Variants in NALF1 observed in about 807,000 individuals in gnomAD.
NALF1 encodes NALCN channel auxiliary factor 1, also known as family with sequence similarity 155 member A.
A neutral mutation model predicts 48.4 loss-of-function variants in NALF1; 3 were observed. That is an observed-to-expected ratio of 0.06 (90% CI 0.03 to 0.16). The LOEUF (loss-of-function observed/expected upper bound fraction) is 0.16, where lower values mean the gene tolerates loss of function less well. Among genes scored for constraint, NALF1 ranks in the 10% least tolerant of loss-of-function variants. NALF1 has a pLI of 1.00. For synonymous variants in NALF1, 262 were observed against 245.7 expected, an observed-to-expected ratio of 1.07 and a Z score of -0.62; for missense variants, 526 against 571.5, an observed-to-expected ratio of 0.92 and a Z score of 0.81.
In NALF1 at chr13:107,812,785, C is replaced by T. The variant is rs543559563; in HGVS notation, c.915+52897G>A. Among the ~76,000 whole-genome samples the T allele has an allele frequency of 6.6e-5, 10 of 151,868 alleles. No homozygotes were observed. The East Asian group carries it at 9.7e-4, about 15-fold the overall frequency. On this transcript the variant is annotated intron_variant, in intron 1 of 2. Transcript: ENST00000375915. ...TGAGAGGGTTTTTGTTGTTGTTTTT[C>T]ATTTTTTTTGTTTGTTGGTTGGTTC...
At chr13:107,842,089 C>G (rs1403033590) in intron 1 of NALF1, among the ~76,000 whole-genome samples, 10 of 151,824 alleles carry the variant, frequency 6.6e-5, no homozygotes. Flanking sequence ...AACATTTTAG[C>G]CAATTTAACC....
At position 107,841,638 on chromosome 13, in the gene NALF1, T is replaced by TAA. The variant is rs200743569; in HGVS notation, c.915+24042_915+24043dup. Among the ~76,000 whole-genome samples the TAA allele has an allele frequency of 2.5e-4, 36 of 143,596 alleles. No individual in the cohort carries two copies. The East Asian group carries it at 4.0e-3, about 16-fold the overall frequency. The allele number at this position is 143,596 out of a possible 152,430, so 94.2% of individuals were successfully genotyped here. On this transcript the variant is annotated intron_variant, in intron 1 of 2. Transcript: ENST00000375915. The stretch of plus-strand genomic sequence containing the variant: ...TGCAAAAGAAATGCTGGAATATCCT[T>TAA]AAAAAAAAAAAAACATAAGAAGTTT...
intron 1 of NALF1, among the ~76,000 whole-genome samples, chr13:107,358,973 G>T (rs902480150): frequency 6.6e-6 from 1 of 152,034 alleles, no homozygotes; most frequent in East Asian, 1.9e-4. Context: ...AAAAATTCTG[G>T]ACATTTTTGG....
intron 1 of NALF1, among the ~76,000 whole-genome samples, chr13:107,418,091 T>C (rs1403082361): frequency 1.3e-5 from 2 of 152,118 alleles, no homozygotes; most frequent in Non-Finnish European, 2.9e-5. Flanking sequence ...ATTAAATACA[T>C]GGGCTTAAAT....
intron 1 of NALF1, among the ~76,000 whole-genome samples, chr13:107,687,587 T>C (rs1881466648): frequency 6.6e-6 from 1 of 151,480 alleles, no homozygotes; most frequent in Admixed American, 6.6e-5. Flanking sequence ...TTAATTACAG[T>C]GATATGTCTT....
intron 1 of NALF1, among the ~76,000 whole-genome samples, chr13:107,848,416 T>C (rs578076487): frequency 1.2e-4 from 19 of 152,328 alleles, no homozygotes; most frequent in Admixed American, 4.6e-4. Context: ...AATAGTTTAC[T>C]ATGGTTCATT....
chr13:107,757,721 C>G (rs1251710399), intron 1 of NALF1, among the ~76,000 whole-genome samples: 1 of 151,998 alleles, frequency 6.6e-6, no homozygotes, highest in Admixed American at 6.6e-5. Flanking sequence ...TCTGTCTGTC[C>G]TAAGACCTTA....
At chr13:107,459,136 G>T (rs1466525224) in intron 1 of NALF1, among the ~76,000 whole-genome samples, 2 of 151,806 alleles carry the variant, frequency 1.3e-5, no homozygotes, top group Non-Finnish European at 2.9e-5. Flanking sequence ...CAGACTAAAA[G>T]AAAGTATTTG....
At chr13:107,365,964 G>A (rs541925014) in intron 1 of NALF1, among the ~76,000 whole-genome samples, 16 of 152,216 alleles carry the variant, frequency 1.1e-4, no homozygotes, top group Non-Finnish European at 1.8e-4. Flanking sequence ...ACAGTGAGAT[G>A]ACAAAGCCTC....
At position 107,371,190 on chromosome 13, in the gene NALF1, T is replaced by C. The variant is rs181611721; in HGVS notation, c.916-160435A>G. ...GGCCAGGCACAGTGGCTCATGCTTA[T>C]AATCCCAGCACTTTGGAAAGCCAAG... is the stretch of plus-strand genomic sequence containing the variant. On this transcript the variant is annotated intron_variant, in intron 1 of 2. Transcript: ENST00000375915. Among the ~76,000 whole-genome samples, 683 of 152,308 alleles carry C rather than the reference T, an allele frequency of 4.5e-3. 5 individuals carry two copies. In the Middle Eastern group the frequency reaches 0.054, roughly 12 times the overall value.
At chr13:107,523,306 C>T (rs1876308377) in intron 1 of NALF1, among the ~76,000 whole-genome samples, 1 of 152,112 alleles carries the variant, frequency 6.6e-6, no homozygotes, top group South Asian at 2.1e-4. Flanking sequence ...TTAATGTTCA[C>T]GGGTATTTTA....
intron 1 of NALF1, among the ~76,000 whole-genome samples, chr13:107,590,773 C>T (rs969161356): frequency 1.3e-5 from 2 of 151,884 alleles, no homozygotes; most frequent in African/African-American, 4.8e-5. Flanking sequence ...TGTGTCATGT[C>T]GCAGTGGTAA....
intron 1 of NALF1, among the ~76,000 whole-genome samples, chr13:107,659,124 C>G (rs1367280421): frequency 6.6e-6 from 1 of 151,608 alleles, no homozygotes; most frequent in Non-Finnish European, 1.5e-5. Context: ...GACACACACA[C>G]ACACACACAC....
rs532028488 is a variant in NALF1 at position 107,541,030 on chromosome 13, T to A, written c.915+324652A>T. 2.6e-5 allele frequency among the ~76,000 whole-genome samples: 4 copies of A among 152,252 alleles called. No homozygotes were observed. In the South Asian group the frequency reaches 8.3e-4, roughly 32 times the overall value. Reference sequence around the variant, plus strand: ...ACTTGTTATTAACAAGAATATTAAATGAATTAAAAACAGCTCTGACAGCCT... The same window carrying A: ...ACTTGTTATTAACAAGAATATTAAAAGAATTAAAAACAGCTCTGACAGCCT... On this transcript the variant is annotated intron_variant, in intron 1 of 2. Transcript: ENST00000375915.
intron 1 of NALF1, among the ~76,000 whole-genome samples, chr13:107,742,299 T>C (rs1447497709): frequency 6.6e-6 from 1 of 152,202 alleles, no homozygotes; most frequent in Non-Finnish European, 1.5e-5. Context: ...CTACCTACAG[T>C]GAACATCTCT....
At chr13:107,279,133 G>A (rs769539738) in intron 1 of NALF1, among the ~76,000 whole-genome samples, 17 of 146,840 alleles carry the variant, frequency 1.2e-4, no homozygotes, top group South Asian at 2.2e-4. Flanking sequence ...GCTTAAGGCC[G>A]TCTTAATTTG....
At chr13:107,269,913 ATTTTTTTTT>A (rs71121514) in intron 1 of NALF1, among the ~76,000 whole-genome samples, 1,016 of 89,014 alleles carry the variant, frequency 0.011, 6 homozygotes, top group Middle Eastern at 0.061. Context: ...CGCCCGGCTA[ATTTTTTTTT>A]TTTTTTTTTT....
intron 1 of NALF1, among the ~76,000 whole-genome samples, chr13:107,333,413 A>G (rs1372902433): frequency 1.3e-5 from 2 of 152,178 alleles, no homozygotes; most frequent in African/African-American, 4.8e-5. Flanking sequence ...ATAGGCTTCA[A>G]AAAGGACGCA....
chr13:107,322,805 C>T (rs1385117653), intron 1 of NALF1, among the ~76,000 whole-genome samples: 6 of 152,192 alleles, frequency 3.9e-5, no homozygotes, highest in Admixed American at 1.3e-4. Context: ...GTTGCTTTAC[C>T]ATTCATAAAT....
Sources: gnomAD v4.1 joint callset for allele counts (sites outside exome capture counted in the v4.1 genomes callset) on GRCh38, gnomAD v4.1.1 for gene constraint, MANE v1.5 for transcripts, NCBI Gene and HGNC (gene_info 2026-07-23, HGNC 2026-07-21) for gene names.